The following NUP107 variants were observed in gnomAD, a reference collection of about 807,000 sequenced individuals.
NUP107 encodes nucleoporin 107, also known as nuclear pore complex protein Nup107.
In NUP107, 101 loss-of-function variants were observed where a neutral mutation model predicts 141.0. The ratio of observed to expected loss-of-function variants is 0.72; its 90% CI spans 0.61 to 0.84. The LOEUF (loss-of-function observed/expected upper bound fraction) is 0.84, where lower values mean the gene tolerates loss of function less well. Ranked by LOEUF, NUP107 falls within the 40% of genes least tolerant of loss-of-function variation. The probability of loss-of-function intolerance (pLI) is 0.00; values close to 1 mark genes in which losing one functional copy is unlikely to be tolerated. For missense variants in NUP107, 941 were observed against 1,102.7 expected (o/e 0.85, Z 2.08); for synonymous variants, 319 against 363.9 (o/e 0.88, Z 1.41).
At chr12:68,713,299 C>T (rs549120042) in intron 10 of NUP107, among the ~76,000 whole-genome samples, 15 of 148,804 alleles carry the variant, frequency 1.0e-4, no homozygotes, top group African/African-American at 3.5e-4. Flanking sequence ...CACTTGAGTC[C>T]GGGAGGTCGA....
intron 26 of NUP107, among the ~76,000 whole-genome samples, chr12:68,739,009 TCTCCCATCA>T (rs1878204249): frequency 6.6e-6 from 1 of 152,226 alleles, no homozygotes; most frequent in East Asian, 1.9e-4. Flanking sequence ...GTCCTACTGC[TCTCCCATCA>T]CTATATCCTG....
intron 5 of NUP107, among the ~76,000 whole-genome samples, chr12:68,694,666 C>T (rs1332013334): frequency 2.0e-5 from 3 of 152,214 alleles, no homozygotes; most frequent in Non-Finnish European, 4.4e-5. Flanking sequence ...ATTTGGGAGG[C>T]TGACGCGGGT....
chr12:68,701,792 T>C (rs1876342450), intron 7 of NUP107, among the ~76,000 whole-genome samples: 1 of 152,182 alleles, frequency 6.6e-6, no homozygotes. Flanking sequence ...CATATTAATA[T>C]ATAAATGATG....
At chr12:68,706,136 A>C in intron 8 of NUP107, 1 of 766,538 alleles carries the variant, frequency 1.3e-6, no homozygotes, top group Admixed American at 1.7e-5. Context: ...ACTTGATAAC[A>C]TGCAGGGGCT....
chr12:68,704,777 C>T (rs1343692203), intron 8 of NUP107, among the ~76,000 whole-genome samples: 1 of 151,636 alleles, frequency 6.6e-6, no homozygotes, highest in African/African-American at 2.4e-5. Flanking sequence ...ATATTTGAAG[C>T]AAGTATATAT....
Position 68,715,756 on chromosome 12 carries a change from C to T in NUP107, c.1083+16C>T. On this transcript the variant is annotated intron_variant, in intron 12 of 27. Transcript: ENST00000229179. ...GACAGAAGAGGTCAGTCATGTATAC[C>T]CTTCTTGTCTAATTTCAAAAAGTCA... 2.7e-6 allele frequency: 4 copies of T among 1,465,922 alleles called. No individual in the cohort carries two copies. The highest frequency in any genetic ancestry group is 3.8e-6 in the Non-Finnish European group (4 of 1,052,472). 90.8% of individuals were successfully genotyped at this position (1,465,922 alleles called of 1,614,324 possible). A position where few individuals can be genotyped will look rare whatever the true frequency, so the allele number is the denominator to read the frequency against.
chr12:68,714,528 A>G (rs1040186476), intron 11 of NUP107: 6 of 152,222 alleles, frequency 3.9e-5, no homozygotes, highest in South Asian at 4.1e-4. Context: ...TGTGTTTGCA[A>G]AATATTTATG....
intron 1 of NUP107, among the ~76,000 whole-genome samples, chr12:68,688,224 TAA>T (rs1948780220): frequency 6.6e-6 from 1 of 152,220 alleles, no homozygotes; most frequent in Admixed American, 6.5e-5. Flanking sequence ...GTTAAACGTT[TAA>T]AATTGTTTCT....
At chr12:68,723,644 G>A (rs1481053304) in intron 17 of NUP107, among the ~76,000 whole-genome samples, 3 of 152,076 alleles carry the variant, frequency 2.0e-5, no homozygotes, top group Admixed American at 2.0e-4. Context: ...TTACCTGGTT[G>A]TGGCAGTTAA....
rs749075755 is a variant in NUP107, at chr12:68,713,720, T to C, written c.891-10T>C. 61 of 1,587,392 alleles carry C rather than the reference T, an allele frequency of 3.8e-5. No individual in the cohort carries two copies. The highest frequency in any genetic ancestry group is 2.6e-6 in the Non-Finnish European group (3 of 1,171,030). Reference sequence around the variant, plus strand: ...CTCTTAAAAAATTTGGTACTTATTATTTCTTTCAGGGAAAATACTCTGCAT... The same window carrying C: ...CTCTTAAAAAATTTGGTACTTATTACTTCTTTCAGGGAAAATACTCTGCAT... On this transcript the variant is annotated splice_polypyrimidine_tract_variant and intron_variant, in intron 10 of 27. Coordinates refer to ENST00000229179, the MANE Select transcript of NUP107 (RefSeq NM_020401.4).
Position 68,709,283 on chromosome 12 carries a change from A to G in NUP107, c.775A>G (p.Arg259Gly). The G allele has an allele frequency of 1.2e-6, 2 of 1,602,400 alleles. No individual in the cohort carries two copies. The highest frequency in any genetic ancestry group is 2.2e-5 in the East Asian group (1 of 44,528). ...EKTVVEALFQ[R>G]DSLVRQSQLV... Reference sequence around the variant, plus strand: ...AACAGTTGTGGAAGCGTTATTTCAGAGGGATTCACTTGTTCGACAAAGTCA... The same window carrying G: ...AACAGTTGTGGAAGCGTTATTTCAGGGGGATTCACTTGTTCGACAAAGTCA... The change falls in exon 9 of 28, where the codon AGG becomes GGG. Residue 259 changes from arginine (R) to glycine (G), a missense_variant. By Grantham distance (125) the Arg-to-Gly change is moderately radical. Transcript: ENST00000229179.
At chr12:68,734,562 G>T in intron 24 of NUP107, 146 bp from the exon 25 acceptor site, 1 of 624,900 alleles carries the variant, frequency 1.6e-6, no homozygotes. Context: ...ATGAATTTTT[G>T]GAGGGAAAAA....
At chr12:68,691,916 G>A in intron 4 of NUP107, 52 bp from the exon 5 acceptor site, 1 of 1,454,252 alleles carries the variant, frequency 6.9e-7, no homozygotes, top group Non-Finnish European at 9.2e-7. Context: ...TCCACTCAGT[G>A]ACAATAACTC....
Position 68,742,508 on chromosome 12 carries a change from T to A in NUP107, c.*46T>A. The A allele has an allele frequency of 9.8e-7, 1 of 1,017,432 alleles. No individual in the cohort carries two copies. The highest frequency in any genetic ancestry group is 1.5e-6 in the Non-Finnish European group (1 of 682,096). 63.0% of individuals were successfully genotyped at this position (1,017,432 alleles called of 1,614,324 possible). ...TAATTTTCATGATAAATGAAGTTTT[T>A]AATAAAATATACTTGTTATTAGTAA... On this transcript the variant is annotated 3_prime_UTR_variant, in exon 28 of 28. Coordinates refer to ENST00000229179, the MANE Select transcript of NUP107 (RefSeq NM_020401.4).
At chr12:68,707,815 G>T (rs1876665762) in intron 8 of NUP107, among the ~76,000 whole-genome samples, 1 of 152,038 alleles carries the variant, frequency 6.6e-6, no homozygotes. Flanking sequence ...ACAGCATTTT[G>T]GCTGGATGAG....
At chr12:68,721,726 C>T (rs573360957) in intron 15 of NUP107, 115 bp from the exon 16 acceptor site, 34 of 1,015,996 alleles carry the variant, frequency 3.3e-5, no homozygotes, top group South Asian at 8.7e-5. Flanking sequence ...TAAAATCTGC[C>T]GTGTTTTATA....
In NUP107 at chr12:68,715,556, T is replaced by C. The variant is rs1877065863; in HGVS notation, c.970-71T>C. ...AAACTCAGGATAGGTTTATCATCTC[T>C]TGATGATGTGTAAAATGTATGTAAG... On this transcript the variant is annotated intron_variant, in intron 11 of 27. Transcript: ENST00000229179. 8 of 806,602 alleles carry C rather than the reference T, an allele frequency of 9.9e-6. No individual in the cohort carries two copies. In the South Asian group the frequency reaches 1.1e-4, roughly 12 times the overall value. 50.0% of individuals were successfully genotyped at this position (806,602 alleles called of 1,614,324 possible).
chr12:68,697,861 C>G (rs1337304487), intron 6 of NUP107, among the ~76,000 whole-genome samples: 1 of 151,816 alleles, frequency 6.6e-6, no homozygotes, highest in Non-Finnish European at 1.5e-5. Context: ...GAAACCCTGT[C>G]TCTACTAAAA....
Position 68,690,701 on chromosome 12 carries a change from G to T in NUP107, c.258G>T (p.Ser86=). The part of the protein sequence containing the change: ...ISCILGTGGK[S]PRLTQSSGFF... ...GCATTCTTGGAACAGGAGGGAAGTC[G>T]CCCCGACTTACGCAGTCTTCAGGGT... Residue 86 remains serine, a synonymous_variant, in exon 4 of 28, where the codon TCG becomes TCT. Transcript: ENST00000229179. 2 of 1,614,130 alleles carry T rather than the reference G, an allele frequency of 1.2e-6. No homozygotes were observed. The highest frequency in any genetic ancestry group is 2.2e-5 in the South Asian group (2 of 91,086).
Sources: gnomAD v4.1 joint callset for allele counts (sites outside exome capture counted in the v4.1 genomes callset) on GRCh38, gnomAD v4.1.1 for gene constraint, MANE v1.5 for transcripts, NCBI Gene and HGNC (gene_info 2026-07-23, HGNC 2026-07-21) for gene names.